The following GSK3A variants were observed in gnomAD, a reference collection of about 807,000 sequenced individuals.
GSK3A encodes glycogen synthase kinase 3 alpha.
GSK3A carries 14 observed loss-of-function variants against 56.6 expected under a neutral mutation model. The observed-to-expected ratio is 0.25, with a 90% CI of 0.16 to 0.39. GSK3A has a LOEUF of 0.39. GSK3A is among the 10% of genes least tolerant of loss of function. The pLI is 1.00. For synonymous variants in GSK3A, 301 were observed against 285.0 expected (o/e 1.06, Z -0.56); for missense variants, 450 against 656.0 (o/e 0.69, Z 3.43).
chr19:42,236,832 C>T, intron 3 of GSK3A, 26 bp downstream of exon 3: 1 of 1,549,222 alleles, frequency 6.5e-7, no homozygotes, highest in Non-Finnish European at 8.9e-7. Flanking sequence ...CTGGAGCAAC[C>T]CACCACCACC....
At chr19:42,239,592 A>C (rs2036279259) in intron 2 of GSK3A, among the ~76,000 whole-genome samples, 1 of 152,188 alleles carries the variant, frequency 6.6e-6, no homozygotes. Context: ...ATCAGATTCC[A>C]GCCTTGACTG....
In GSK3A at chr19:42,232,578, G is replaced by C. The variant is rs765287420; in HGVS notation, c.1203C>G (p.Ser401Arg). 2 of 1,614,144 alleles carry C rather than the reference G, an allele frequency of 1.2e-6. No homozygotes were observed. The highest frequency in any genetic ancestry group is 1.7e-6 in the Non-Finnish European group (2 of 1,180,000). The change falls in exon 9 of 11, where the codon AGC (serine) becomes AGG (arginine). Residue 401 changes from serine (S) to arginine (R), a missense_variant. By Grantham distance (110) the Ser-to-Arg change is moderately radical (BLOSUM62 -1). This residue lies in a region of GSK3A where 113 missense variants were observed against 147.5 expected (regional missense o/e 0.77). Coordinates refer to ENST00000222330, the MANE Select transcript of GSK3A (RefSeq NM_019884.3). The part of the protein sequence containing the change: ...RLSPLEACAH[S>R]FFDELRCLGT... ...CCAGACATCGCAGTTCATCAAAGAA[G>C]CTGTGCGCACAGGCCTCTAGTGGGG...
rs567677996 is a variant in GSK3A at position 42,234,023 on chromosome 19, G to A, written c.904+330C>T. Among the ~76,000 whole-genome samples, 9 of 152,170 alleles carry A rather than the reference G, an allele frequency of 5.9e-5. No homozygotes were observed. Among genetic ancestry groups the A allele is most frequent in the East Asian group, 5.8e-4 (3 of 5,170 alleles). On this transcript the variant is annotated intron_variant, in intron 6 of 10. Coordinates refer to ENST00000222330, the MANE Select transcript of GSK3A (RefSeq NM_019884.3). The surrounding 1 kb of genome is among the most constrained non-coding windows in gnomAD (Gnocchi z 5.7). The stretch of plus-strand genomic sequence containing the variant: ...TCATGGTGGCAAAGCCTTGCTTCCC[G>A]GTTCCCCCAAGGTCTCCAGCAGCCC...
chr19:42,239,052 C>A (rs1421765599), intron 2 of GSK3A, among the ~76,000 whole-genome samples: 1 of 152,168 alleles, frequency 6.6e-6, no homozygotes, highest in East Asian at 1.9e-4. Flanking sequence ...GGCCATCCAG[C>A]TCACTCTGGT....
At position 42,234,487 on chromosome 19, in the gene GSK3A, C is replaced by T. The variant is rs747018124; in HGVS notation, c.798-28G>A. ...GTGGGAAGAGATGGGCAGGGGTACA[C>T]GTGAGGCAAGGGTTGGGGTCCCCCC... On this transcript the variant is annotated intron_variant, in intron 5 of 10. Transcript: ENST00000222330. This position sits in a 1 kb window ranked among gnomAD's most constrained non-coding sequence, Gnocchi z 5.7. 7.1e-5 allele frequency: 114 copies of T among 1,613,508 alleles called. No homozygotes were observed. Among genetic ancestry groups the T allele is most frequent in the Middle Eastern group, 3.3e-4 (2 of 6,082 alleles).
rs1431475103 is a variant in GSK3A at position 42,234,953 on chromosome 19, C to T, written c.667-275G>A. The stretch of plus-strand genomic sequence containing the variant: ...ACCAGCCTCGCCAACATGTTGAGAT[C>T]CCGTCTCTACTAAAAATACAAAAAT... On this transcript the variant is annotated intron_variant, in intron 4 of 10. Coordinates refer to ENST00000222330, the MANE Select transcript of GSK3A (RefSeq NM_019884.3). The surrounding 1 kb of genome is among the most constrained non-coding windows in gnomAD (Gnocchi z 5.7). Among the ~76,000 whole-genome samples the T allele has an allele frequency of 6.6e-6, 1 of 152,138 alleles. No homozygotes were observed. Among genetic ancestry groups the T allele is most frequent in the East Asian group, 1.9e-4 (1 of 5,192 alleles).
intron 2 of GSK3A, among the ~76,000 whole-genome samples, chr19:42,238,982 C>G (rs1599813173): frequency 6.6e-6 from 1 of 151,772 alleles, no homozygotes; most frequent in Non-Finnish European, 1.5e-5. Flanking sequence ...AAAAAAAAAT[C>G]AGGCATGGGC....
rs1034565027 is a variant in GSK3A at position 42,232,941 on chromosome 19, C to G, written c.1098+169G>C. 3 of 614,708 alleles carry G rather than the reference C, an allele frequency of 4.9e-6. No homozygotes were observed. In the African/African-American group the frequency reaches 5.6e-5, roughly 11 times the overall value. The allele number at this position is 614,708 out of a possible 1,614,324, so 38.1% of individuals were successfully genotyped here. On this transcript the variant is annotated intron_variant, in intron 8 of 10. Transcript: ENST00000222330. ...AATCTTGAATTTACTTGTGGGTTCT[C>G]AACTTTTAAAATGCCATAAACTTTG...
In GSK3A at chr19:42,240,001, C is replaced by G; in HGVS notation, c.425G>C (p.Arg142Thr). 6.2e-7 allele frequency: 1 copy of G among 1,614,204 alleles called. No individual in the cohort carries two copies. The highest frequency in any genetic ancestry group is 1.3e-5 in the African/African-American group (1 of 75,046). The change falls in exon 2 of 11, where the codon AGG becomes ACG. Residue 142 changes from arginine to threonine, a missense_variant. Transcript: ENST00000222330. ...AACCTTCTTGATGGCGACTAGTTCCCTGGTCTCTGCCAGCCGTGCCTGGTA... is the reference window on the plus strand; with the variant it reads ...AACCTTCTTGATGGCGACTAGTTCCGTGGTCTCTGCCAGCCGTGCCTGGTA... The part of the protein sequence containing the change: ...VVYQARLAET[R>T]ELVAIKKVLQ...
At chr19:42,239,859 G>A (rs2036280673) in intron 2 of GSK3A, 96 bp downstream of exon 2, 8 of 953,580 alleles carry the variant, frequency 8.4e-6, no homozygotes, top group East Asian at 7.8e-5. Context: ...TCTGGCCCAT[G>A]GCTCTGAAAC....
intron 10 of GSK3A, 114 bp from the exon 11 acceptor site, chr19:42,230,981 G>A (rs2036220279): frequency 2.7e-6 from 2 of 753,464 alleles, no homozygotes; most frequent in African/African-American, 1.7e-5. Flanking sequence ...GTTACAAGCT[G>A]TTACTTTAGG....
At chr19:42,239,105 G>C (rs374389538) in intron 2 of GSK3A, among the ~76,000 whole-genome samples, 14 of 152,282 alleles carry the variant, frequency 9.2e-5, no homozygotes, top group Admixed American at 5.9e-4. Context: ...CTAGGATCCT[G>C]AGTCCCAGAC....
chr19:42,233,307 G>T lies in GSK3A; in HGVS notation c.981C>A (p.Asp327Glu). 6.3e-7 allele frequency: 1 copy of T among 1,588,056 alleles called. No individual in the cohort carries two copies. The highest frequency in any genetic ancestry group is 1.7e-5 in the Admixed American group (1 of 57,652). The change falls in exon 7 of 11, where the codon GAC becomes GAA. Residue 327 changes from aspartate (D) to glutamate (E), a missense_variant. Transcript: ENST00000222330. ...QPIFPGDSGV[D>E]QLVEIIKVLG... is the part of the protein sequence containing the mutation. ...TCACCTTGATGATCTCCACCAGCTG[G>T]TCCACCCCACTGTCCCCAGGGAAGA... is the stretch of plus-strand genomic sequence containing the variant.
chr19:42,236,652 C>G lies in GSK3A; in HGVS notation c.620G>C (p.Arg207Pro). ...YVPETVYRVA[R>P]HFTKAKLTIP... Reference sequence around the variant, plus strand: ...GGTCAACTTGGCCTTGGTGAAGTGGCGGGCCACCCGGTACACTGTCTCGGG... The same window carrying G: ...GGTCAACTTGGCCTTGGTGAAGTGGGGGGCCACCCGGTACACTGTCTCGGG... The change falls in exon 4 of 11, where the codon CGC becomes CCC. Residue 207 changes from arginine (R) to proline (P), a missense_variant. Arg to Pro is a moderately radical substitution (Grantham distance 103). This residue lies in a region of GSK3A where 144 missense variants were observed against 308.0 expected (regional missense o/e 0.47). Coordinates refer to ENST00000222330, the MANE Select transcript of GSK3A (RefSeq NM_019884.3). 6.2e-7 allele frequency: 1 copy of G among 1,613,892 alleles called. No homozygotes were observed. The highest frequency in any genetic ancestry group is 8.5e-7 in the Non-Finnish European group (1 of 1,179,810).
At chr19:42,233,883 C>CCT (rs2036240821) in intron 6 of GSK3A, among the ~76,000 whole-genome samples, 1 of 152,146 alleles carries the variant, frequency 6.6e-6, no homozygotes, top group Non-Finnish European at 1.5e-5. Flanking sequence ...TGGAAGGTGC[C>CCT]CTTTCAAACT....
At chr19:42,238,377 T>C (rs1244846750) in intron 2 of GSK3A, among the ~76,000 whole-genome samples, 5 of 139,644 alleles carry the variant, frequency 3.6e-5, no homozygotes, top group African/African-American at 1.4e-4. Flanking sequence ...AACGAGATTC[T>C]GTCTTAAAAA....
Position 42,233,395 on chromosome 19 carries a change from TGGAG to T in GSK3A, c.905-16_905-13del. Reference sequence around the variant, plus strand: ...AGCTGACCAAACATCTGAGGGGAAATGGAGGGAGCGTCAGGGCTAGGCGAGTAGG... The same window carrying T: ...AGCTGACCAAACATCTGAGGGGAAATGGAGCGTCAGGGCTAGGCGAGTAGG... On this transcript the variant is annotated splice_polypyrimidine_tract_variant and intron_variant, in intron 6 of 10. Coordinates refer to ENST00000222330, the MANE Select transcript of GSK3A (RefSeq NM_019884.3). The T allele has an allele frequency of 6.4e-7, 1 of 1,551,510 alleles. No homozygotes were observed. Among genetic ancestry groups the T allele is most frequent in the Non-Finnish European group, 8.8e-7 (1 of 1,141,478 alleles).
rs946759033 is a variant in GSK3A, at chr19:42,242,540, C to T, written c.-75G>A. Reference sequence around the variant, plus strand: ...CCAGCCGCCGCCGCTGCCGCCGCCTCCCCCGGGCCCTGGCCTCTTCCAGGC... The same window carrying T: ...CCAGCCGCCGCCGCTGCCGCCGCCTTCCCCGGGCCCTGGCCTCTTCCAGGC... On this transcript the variant is annotated 5_prime_UTR_variant, in exon 1 of 11. Transcript: ENST00000222330. 1 of 970,586 alleles carries T rather than the reference C, an allele frequency of 1.0e-6. No homozygotes were observed. Among genetic ancestry groups the T allele is most frequent in the Non-Finnish European group, 1.2e-6 (1 of 809,080 alleles). The allele number at this position is 970,586 out of a possible 1,614,324, so 60.1% of individuals were successfully genotyped here.
intron 9 of GSK3A, 42 bp from the exon 10 acceptor site, chr19:42,232,191 C>T: frequency 7.8e-7 from 1 of 1,289,426 alleles, no homozygotes; most frequent in Non-Finnish European, 1.1e-6. Flanking sequence ...TAGACTACAG[C>T]AGGGTTATGA....
Sources: allele counts gnomAD v4.1 joint callset (sites outside exome capture counted in the v4.1 genomes callset), GRCh38; gene constraint gnomAD v4.1.1; regional missense constraint gnomAD v4.1.1; non-coding constraint Gnocchi (gnomAD v3.1); transcripts MANE v1.5; gene names NCBI Gene and HGNC (gene_info 2026-07-23, HGNC 2026-07-21).